The following NAV3 variants were observed in gnomAD, a reference collection of about 807,000 sequenced individuals.
NAV3 encodes the protein pore membrane and/or filament interacting like protein 1.
Under a neutral mutation model 244.7 loss-of-function variants are expected in NAV3, and 87 were observed. The observed-to-expected ratio is 0.36, with a 90% confidence interval of 0.30 to 0.42. The LOEUF (loss-of-function observed/expected upper bound fraction) is 0.42. Ranked by LOEUF, NAV3 falls within the 20% of genes least tolerant of loss-of-function variation. NAV3 has a pLI of 1.00. For synonymous variants in NAV3, 1,126 were observed against 1,042.2 expected (o/e 1.08, Z -1.55); for missense variants, 2,663 against 2,893.3 (o/e 0.92, Z 1.83).
At chr12:77,726,182 T>A (rs1210354544) in intron 2 of NAV3, among the ~76,000 whole-genome samples, 1 of 151,946 alleles carries the variant, frequency 6.6e-6, no homozygotes, top group African/African-American at 2.4e-5. Context: ...CTGTGCATTT[T>A]TCCAGAGTTG....
intron 8 of NAV3, among the ~76,000 whole-genome samples, chr12:78,019,441 GT>G (rs1299424181): frequency 6.6e-6 from 1 of 152,148 alleles, no homozygotes; most frequent in African/African-American, 2.4e-5. Flanking sequence ...TAGTCTGGGA[GT>G]TAAACATTAA....
At chr12:77,690,367 T>C (rs1393202781) in intron 2 of NAV3, among the ~76,000 whole-genome samples, 3 of 151,844 alleles carry the variant, frequency 2.0e-5, no homozygotes, top group African/African-American at 7.2e-5. Context: ...ATTAAAAGGC[T>C]ACTAACATTT....
intron 2 of NAV3, among the ~76,000 whole-genome samples, chr12:77,765,787 C>A: frequency 6.6e-6 from 1 of 151,232 alleles, no homozygotes; most frequent in South Asian, 2.1e-4. Flanking sequence ...AAAAAGAAGC[C>A]CTGAAGAATC....
intron 5 of NAV3, among the ~76,000 whole-genome samples, chr12:77,985,585 T>G (rs12425335): frequency 0.25 from 37,222 of 151,628 alleles, 4,872 homozygotes; most frequent in South Asian, 0.33. Context: ...TTTTTTTGTA[T>G]GTAGACATAA....
In NAV3 at chr12:77,572,505, C is replaced by CT. The variant is rs1367418595; in HGVS notation, c.72+240dup. Among the ~76,000 whole-genome samples, 3 of 152,120 alleles carry CT rather than the reference C, an allele frequency of 2.0e-5. No individual in the cohort carries two copies. The East Asian group carries it at 5.8e-4, about 29-fold the overall frequency. On this transcript the variant is annotated intron_variant, in intron 2 of 8. Transcript: ENST00000550042. ...GCAAGGATTCTACTGTGTTCTCTCA[C>CT]TCTTGACTTCATACTAGTGACCTGT...
intron 2 of NAV3, among the ~76,000 whole-genome samples, chr12:77,669,972 A>G (rs1455319967): frequency 1.3e-5 from 2 of 152,088 alleles, no homozygotes; most frequent in Non-Finnish European, 2.9e-5. Flanking sequence ...ATGAAATTGA[A>G]ACAAACAAAA....
chr12:77,902,016 A>G (rs752408917), intron 1 of NAV3, among the ~76,000 whole-genome samples: 3 of 152,232 alleles, frequency 2.0e-5, no homozygotes, highest in Non-Finnish European at 4.4e-5. Flanking sequence ...TGATTTTCTC[A>G]AAATTGTCTC....
At chr12:78,041,013 C>A (rs1176191364) in intron 9 of NAV3, among the ~76,000 whole-genome samples, 1 of 152,070 alleles carries the variant, frequency 6.6e-6, no homozygotes, top group African/African-American at 2.4e-5. Flanking sequence ...AGATAGAATT[C>A]TTTATAGCCA....
At chr12:78,043,047 A>G (rs1881151652) in intron 9 of NAV3, among the ~76,000 whole-genome samples, 1 of 152,000 alleles carries the variant, frequency 6.6e-6, no homozygotes, top group South Asian at 2.1e-4. Flanking sequence ...CCCGTCATCT[A>G]CATTAGGTAT....
chr12:78,039,712 C>T (rs1322578223), intron 9 of NAV3, among the ~76,000 whole-genome samples: 1 of 151,984 alleles, frequency 6.6e-6, no homozygotes, highest in Admixed American at 6.6e-5. Context: ...AGCAAGATCA[C>T]AGATTAAATG....
intron 2 of NAV3, among the ~76,000 whole-genome samples, chr12:77,718,926 A>C (rs980207212): frequency 6.6e-6 from 1 of 152,156 alleles, no homozygotes; most frequent in African/African-American, 2.4e-5. Flanking sequence ...AAGTGCTGGG[A>C]TTACAGGCAT....
intron 2 of NAV3, among the ~76,000 whole-genome samples, chr12:77,776,897 A>G (rs1351365671): frequency 6.6e-6 from 1 of 152,166 alleles, no homozygotes; most frequent in Non-Finnish European, 1.5e-5. Flanking sequence ...ATCTTTATCT[A>G]TCCAGCCCAG....
rs901295114 is a variant in NAV3 at position 77,636,225 on chromosome 12, G to T, written c.72+63959G>T. The stretch of plus-strand genomic sequence containing the variant: ...TCATGCCTGTAATCACAGCACTTTG[G>T]CAGGCCAAGGCTCCCAGGATCATGA... On this transcript the variant is annotated intron_variant, in intron 2 of 8. Coordinates refer to the NAV3 transcript ENST00000550042. Among the ~76,000 whole-genome samples the T allele has an allele frequency of 7.2e-5, 11 of 152,070 alleles. 1 individual carries two copies. The highest frequency in any genetic ancestry group is 2.7e-4 in the African/African-American group (11 of 41,432).
chr12:77,740,389 G>A (rs1424158715), intron 2 of NAV3, among the ~76,000 whole-genome samples: 1 of 151,704 alleles, frequency 6.6e-6, no homozygotes, highest in Admixed American at 6.6e-5. Context: ...GGCAATTTTA[G>A]ACATCAAAAA....
intron 2 of NAV3, among the ~76,000 whole-genome samples, chr12:77,670,404 C>A (rs1873914851): frequency 6.6e-6 from 1 of 151,812 alleles, no homozygotes; most frequent in African/African-American, 2.4e-5. Flanking sequence ...CACTATTCCA[C>A]AAGATAAAGT....
rs146995435 is a variant in NAV3 at position 77,718,457 on chromosome 12, A to C, written c.72+146191A>C. On this transcript the variant is annotated intron_variant, in intron 2 of 8. Coordinates refer to the NAV3 transcript ENST00000550042. ...ATATACTGGTCCTTATGTCAGTGCC[A>C]CATCATTTTGATTACTGTAACTTTG... Among the ~76,000 whole-genome samples, 188 of 152,240 alleles carry C rather than the reference A, an allele frequency of 1.2e-3. 1 individual carries two copies. The highest frequency in any genetic ancestry group is 4.3e-3 in the African/African-American group (177 of 41,560).
chr12:77,661,688 G>T (rs1873456492), intron 2 of NAV3, among the ~76,000 whole-genome samples: 1 of 151,980 alleles, frequency 6.6e-6, no homozygotes, highest in Non-Finnish European at 1.5e-5. Context: ...TTTACCTTTA[G>T]AAATATAATC....
intron 2 of NAV3, among the ~76,000 whole-genome samples, chr12:77,638,854 G>C (rs1872269628): frequency 6.6e-6 from 1 of 152,130 alleles, no homozygotes; most frequent in Admixed American, 6.6e-5. Flanking sequence ...GGAACTATTT[G>C]CCTTAAATGT....
At chr12:77,706,870 CAAAAAAAA>C (rs34067727) in intron 2 of NAV3, among the ~76,000 whole-genome samples, 12 of 68,062 alleles carry the variant, frequency 1.8e-4, no homozygotes, top group African/African-American at 6.6e-4. Flanking sequence ...GACTCTGTTT[CAAAAAAAA>C]AAAAAAAAAA....
Sources: gnomAD v4.1 joint callset for allele counts (sites outside exome capture counted in the v4.1 genomes callset) on GRCh38, gnomAD v4.1.1 for gene constraint, MANE v1.5 for transcripts, NCBI Gene and HGNC (gene_info 2026-07-23, HGNC 2026-07-21) for gene names.